Variants in CTIF observed in about 807,000 individuals in gnomAD.
CTIF encodes the protein cap binding complex dependent translation initiation factor.
A neutral mutation model predicts 66.0 loss-of-function variants in CTIF; 21 were observed. The observed-to-expected ratio is 0.32, with a 90% CI of 0.23 to 0.46. CTIF has a LOEUF of 0.46. Among genes scored for constraint, CTIF ranks in the 20% least tolerant of loss-of-function variants. The probability of loss-of-function intolerance (pLI) is 1.00; values close to 1 mark genes in which losing one functional copy is unlikely to be tolerated. For synonymous variants in CTIF, 345 were observed against 326.4 expected, an observed-to-expected ratio of 1.06 and a Z score of -0.62; for missense variants, 739 against 812.7, an observed-to-expected ratio of 0.91 and a Z score of 1.10.
At chr18:48,685,306 T>G (rs950823553) in intron 6 of CTIF, among the ~76,000 whole-genome samples, 2 of 152,080 alleles carry the variant, frequency 1.3e-5, no homozygotes, top group African/African-American at 4.8e-5. Context: ...CACTGCAACC[T>G]CCGCCTCCCG....
chr18:48,739,833 A>G (rs538198481), intron 7 of CTIF, among the ~76,000 whole-genome samples: 1 of 152,168 alleles, frequency 6.6e-6, no homozygotes, highest in South Asian at 2.1e-4. Flanking sequence ...TAGTTGGAAT[A>G]TTTACCCGTC....
At chr18:48,560,226 A>AT (rs34752495) in intron 1 of CTIF, among the ~76,000 whole-genome samples, 7,950 of 131,342 alleles carry the variant, frequency 0.061, 631 homozygotes, top group African/African-American at 0.18. Context: ...TTTGGAGGCT[A>AT]TTTTTTTTTT....
chr18:48,760,870 G>C (rs149913663), intron 8 of CTIF: 2 of 154,044 alleles, frequency 1.3e-5, no homozygotes, highest in African/African-American at 4.8e-5. Flanking sequence ...CCCACAGGGG[G>C]CCCTATGCCC....
At chr18:48,777,038 C>A (rs190109765) in intron 9 of CTIF, among the ~76,000 whole-genome samples, 1 of 152,348 alleles carries the variant, frequency 6.6e-6, no homozygotes, top group South Asian at 2.1e-4. Flanking sequence ...AAAGCAGATG[C>A]GCTAGGCAAA....
intron 1 of CTIF, among the ~76,000 whole-genome samples, chr18:48,612,079 T>C (rs2090317263): frequency 6.6e-6 from 1 of 152,174 alleles, no homozygotes; most frequent in Non-Finnish European, 1.5e-5. Flanking sequence ...TTCCCAGGGG[T>C]TGGGGACCTG....
chr18:48,582,703 T>C (rs17829490), intron 1 of CTIF, among the ~76,000 whole-genome samples: 82,956 of 152,006 alleles, frequency 0.55, 26,254 homozygotes, highest in East Asian at 0.79. Flanking sequence ...GTGGTGGTAA[T>C]AACGGGGTTA....
rs76164130 is a variant in CTIF at position 48,598,586 on chromosome 18, C to T, written c.-28-20952C>T. On this transcript the variant is annotated intron_variant, in intron 1 of 11. Transcript: ENST00000256413. ...AAATTTAAGGTCAGAACTTGGGAAC[C>T]CTTTGGTATTTGCCAGCCAGAAGGA... Among the ~76,000 whole-genome samples, 221 of 152,248 alleles carry T rather than the reference C, an allele frequency of 1.5e-3. 1 individual carries two copies. The highest frequency in any genetic ancestry group is 5.0e-3 in the African/African-American group (209 of 41,532).
At chr18:48,708,082 T>C (rs1376901289) in intron 6 of CTIF, among the ~76,000 whole-genome samples, 1 of 152,232 alleles carries the variant, frequency 6.6e-6, no homozygotes, top group Non-Finnish European at 1.5e-5. Flanking sequence ...AATACTCCAC[T>C]GTATATATGT....
intron 9 of CTIF, among the ~76,000 whole-genome samples, chr18:48,788,470 A>G (rs991579953): frequency 6.6e-6 from 1 of 152,134 alleles, no homozygotes; most frequent in African/African-American, 2.4e-5. Flanking sequence ...AGGGCCTTTT[A>G]GTGCCAGCAG....
intron 7 of CTIF, among the ~76,000 whole-genome samples, chr18:48,724,636 C>T (rs999850058): frequency 3.9e-5 from 6 of 152,240 alleles, no homozygotes; most frequent in South Asian, 2.1e-4. Flanking sequence ...AGCTGCTGGG[C>T]GGGGTCCAGC....
At chr18:48,735,129 C>T (rs1020537679) in intron 7 of CTIF, among the ~76,000 whole-genome samples, 3 of 151,882 alleles carry the variant, frequency 2.0e-5, no homozygotes, top group African/African-American at 7.3e-5. Context: ...TGGCACAGTG[C>T]AGCCCATAAG....
chr18:48,724,762 A>T (rs1271851721), intron 7 of CTIF, among the ~76,000 whole-genome samples: 1 of 152,164 alleles, frequency 6.6e-6, no homozygotes, highest in Non-Finnish European at 1.5e-5. Context: ...TCCAGCACAC[A>T]CATTCATTCA....
intron 7 of CTIF, among the ~76,000 whole-genome samples, chr18:48,715,912 C>G (rs2092276797): frequency 6.6e-6 from 1 of 152,126 alleles, no homozygotes; most frequent in African/African-American, 2.4e-5. Context: ...AAGAGCTGTC[C>G]CAAGATGGGG....
chr18:48,683,649 T>C (rs2091785554), intron 6 of CTIF, among the ~76,000 whole-genome samples: 1 of 152,148 alleles, frequency 6.6e-6, no homozygotes, highest in Admixed American at 6.5e-5. Flanking sequence ...AGGAGGAAGC[T>C]CTGCCTCTAG....
intron 1 of CTIF, among the ~76,000 whole-genome samples, chr18:48,571,996 C>T (rs2089425924): frequency 6.6e-6 from 1 of 152,170 alleles, no homozygotes; most frequent in Non-Finnish European, 1.5e-5. Context: ...ACTGGAAACT[C>T]AGGCAGAATT....
Position 48,563,112 on chromosome 18 carries a change from C to T in CTIF, c.-29+23800C>T, listed in dbSNP as rs528209332. Among the ~76,000 whole-genome samples, 9 of 152,272 alleles carry T rather than the reference C, an allele frequency of 5.9e-5. No homozygotes were observed. The South Asian group carries it at 1.0e-3, about 18-fold the overall frequency. ...CAGGTGGGAGCCTGGGGCTGCAGAC[C>T]GGCCCTTTCTTAGGATGCTCCCTGT... is the stretch of plus-strand genomic sequence containing the variant. On this transcript the variant is annotated intron_variant, in intron 1 of 11. Coordinates refer to ENST00000256413, the MANE Select transcript of CTIF (RefSeq NM_014772.3).
At chr18:48,604,731 C>A (rs1250227707) in intron 1 of CTIF, among the ~76,000 whole-genome samples, 1 of 151,982 alleles carries the variant, frequency 6.6e-6, no homozygotes, top group Non-Finnish European at 1.5e-5. Flanking sequence ...TGACCTTTAC[C>A]ACCTTCATCA....
chr18:48,604,144 GACTCCGTGATTTTTT>G (rs2090159008), intron 1 of CTIF, among the ~76,000 whole-genome samples: 2 of 128,034 alleles, frequency 1.6e-5, no homozygotes, highest in South Asian at 2.7e-4. Flanking sequence ...ACACCCCGCT[GACTCCGTGATTTTTT>G]TTTTAAGGGT....
At chr18:48,800,970 T>A (rs1599071611) in intron 9 of CTIF, among the ~76,000 whole-genome samples, 2 of 152,260 alleles carry the variant, frequency 1.3e-5, no homozygotes, top group Admixed American at 6.5e-5. Context: ...GCTTTGAGTC[T>A]GCCCACTCAA....
Sources: gnomAD v4.1 joint callset for allele counts (sites outside exome capture counted in the v4.1 genomes callset) on GRCh38, gnomAD v4.1.1 for gene constraint, MANE v1.5 for transcripts, NCBI Gene and HGNC (gene_info 2026-07-23, HGNC 2026-07-21) for gene names.